N4BP2: variants seen among roughly 807,000 people sequenced by gnomAD.
N4BP2 encodes NEDD4 binding protein 2.
A neutral mutation model predicts 152.8 loss-of-function variants in N4BP2; 91 were observed. The ratio of observed to expected loss-of-function variants is 0.60; its 90% confidence interval spans 0.50 to 0.71. The LOEUF (loss-of-function observed/expected upper bound fraction) is 0.71, where lower values mean the gene tolerates loss of function less well. N4BP2 is among the 30% of genes least tolerant of loss of function. The pLI is 0.00. For missense variants in N4BP2, 1,923 were observed against 2,059.1 expected, an observed-to-expected ratio of 0.93 and a Z score of 1.28; for synonymous variants, 646 against 705.3, an observed-to-expected ratio of 0.92 and a Z score of 1.33.
At chr4:40,082,562 A>T (rs1713491401) in intron 2 of N4BP2, among the ~76,000 whole-genome samples, 1 of 152,128 alleles carries the variant, frequency 6.6e-6, no homozygotes, top group Non-Finnish European at 1.5e-5. Context: ...GATTATGTGG[A>T]AGAGTTAGTT....
In N4BP2 at chr4:40,102,972, A is replaced by G. The variant is rs764783940; in HGVS notation, c.1127A>G (p.Asn376Ser). Residue 376 changes from asparagine (N) to serine (S), a missense_variant, in exon 4 of 18, where the codon AAC becomes AGC. Physicochemically the swap from Asn to Ser is conservative, Grantham distance 46. Transcript: ENST00000261435. ...MIPAFDLFQG[N>S]HGFVAPVVTT... ...CCTGCTTTTGACCTCTTCCAAGGAA[A>G]CCATGGCTTTGTAGCTCCTGTTGTA... The G allele has an allele frequency of 6.2e-7, 1 of 1,614,050 alleles. No homozygotes were observed. Among genetic ancestry groups the G allele is most frequent in the African/African-American group, 1.3e-5 (1 of 74,924 alleles).
At chr4:40,110,789 CAGTA>C (rs1716801357) in intron 5 of N4BP2, among the ~76,000 whole-genome samples, 1 of 152,160 alleles carries the variant, frequency 6.6e-6, no homozygotes, top group African/African-American at 2.4e-5. Context: ...CCGCCCGCCT[CAGTA>C]TCCCAAAGTG....
At chr4:40,142,025 C>T (rs921125924) in intron 14 of N4BP2, among the ~76,000 whole-genome samples, 7 of 151,028 alleles carry the variant, frequency 4.6e-5, no homozygotes, top group South Asian at 2.1e-4. Context: ...TGCAGTGAGC[C>T]GAGATGGCAG....
rs1733206698 is a variant in N4BP2 at position 40,056,866 on chromosome 4, G to C, written c.-376G>C. 1 of 152,156 alleles carries C rather than the reference G, an allele frequency of 6.6e-6. No individual in the cohort carries two copies. Among genetic ancestry groups the C allele is most frequent in the African/African-American group, 2.4e-5 (1 of 41,556 alleles). The allele number at this position is 152,156 out of a possible 1,614,324, so 9.4% of individuals were successfully genotyped here. A position where few individuals can be genotyped will look rare whatever the true frequency, so the allele number is the denominator to read the frequency against. On this transcript the variant is annotated 5_prime_UTR_variant, in exon 1 of 18. Transcript: ENST00000261435. ...GAGAGCGGCAGTGTCTCCCCGCCGG[G>C]CGCGCTCGCCGTGTCTCCCCCGCGG...
At chr4:40,124,739 GA>G (rs1267651117) in intron 11 of N4BP2, among the ~76,000 whole-genome samples, 3 of 152,162 alleles carry the variant, frequency 2.0e-5, no homozygotes, top group Admixed American at 6.5e-5. Context: ...GAACTTTCAT[GA>G]GTGCTGTGGA....
At chr4:40,062,437 A>T (rs1046807791) in intron 1 of N4BP2, among the ~76,000 whole-genome samples, 6 of 152,106 alleles carry the variant, frequency 3.9e-5, no homozygotes, top group Admixed American at 2.6e-4. Context: ...CTAACAGCTC[A>T]TCCCTGCTTT....
At chr4:40,133,889 T>G (rs995922999) in intron 13 of N4BP2, among the ~76,000 whole-genome samples, 5 of 152,182 alleles carry the variant, frequency 3.3e-5, no homozygotes, top group Non-Finnish European at 5.9e-5. Flanking sequence ...CATTGCAGCC[T>G]TGACCTCCTA....
chr4:40,136,846 T>C, intron 13 of N4BP2, 98 bp from the exon 14 acceptor site: 2 of 867,008 alleles, frequency 2.3e-6, no homozygotes, highest in Non-Finnish European at 3.4e-6. Context: ...AGCCAGTTTT[T>C]CATATTCTTG....
At position 40,155,771 on chromosome 4, in the gene N4BP2, A is replaced by G. The variant is rs1375058581; in HGVS notation, c.*1534A>G. 6.6e-6 allele frequency: 1 copy of G among 152,242 alleles called. No homozygotes were observed. Among genetic ancestry groups the G allele is most frequent in the East Asian group, 1.9e-4 (1 of 5,208 alleles). The allele number at this position is 152,242 out of a possible 1,614,324, so 9.4% of individuals were successfully genotyped here. The stretch of plus-strand genomic sequence containing the variant: ...TGGTACCAAAAGAATCCTAAAGTAC[A>G]GAATGGTTTTCCAAAAGAGCAGACA... On this transcript the variant is annotated 3_prime_UTR_variant, in exon 18 of 18. Transcript: ENST00000261435.
the N4BP2 span, among the ~76,000 whole-genome samples, chr4:40,188,744 C>CA: frequency 6.2e-3 from 565 of 90,944 alleles, 16 homozygotes; most frequent in African/African-American, 0.018. Context: ...GACTCCATCT[C>CA]AAAAAAAAAA....
rs373277932 is a variant in N4BP2, at chr4:40,127,754, G to A, written c.4527+1424G>A. 8.5e-5 allele frequency among the ~76,000 whole-genome samples: 13 copies of A among 152,092 alleles called. No homozygotes were observed. The East Asian group carries it at 1.7e-3, about 20-fold the overall frequency. ...TGGCTCGCTGCATGCTCCGTCTCCC[G>A]GGTTCATGCCATTCTCCTGCTTCAG... On this transcript the variant is annotated intron_variant, in intron 12 of 17. Coordinates refer to ENST00000261435, the MANE Select transcript of N4BP2 (RefSeq NM_018177.6).
At chr4:40,182,603 C>A in the N4BP2 span, among the ~76,000 whole-genome samples, 27 of 152,068 alleles carry the variant, frequency 1.8e-4, no homozygotes, top group African/African-American at 6.0e-4. Flanking sequence ...GTGCACGCCA[C>A]CATGCCGGGC....
the N4BP2 span, among the ~76,000 whole-genome samples, chr4:40,181,403 A>G: frequency 6.6e-6 from 1 of 152,180 alleles, no homozygotes. Flanking sequence ...AGATTAACAT[A>G]TCAATTAGGA....
chr4:40,113,386 C>G (rs1717068612), intron 6 of N4BP2, 46 bp from the exon 7 acceptor site: 1 of 1,318,106 alleles, frequency 7.6e-7, no homozygotes, highest in Non-Finnish European at 1.1e-6. Flanking sequence ...ATTTTAATTT[C>G]TTGGAAATAC....
intron 15 of N4BP2, among the ~76,000 whole-genome samples, chr4:40,143,197 G>T (rs968730762): frequency 6.6e-6 from 1 of 152,124 alleles, no homozygotes; most frequent in Non-Finnish European, 1.5e-5. Flanking sequence ...CTTCTGTCAT[G>T]TTTGAATTTT....
At chr4:40,089,392 A>G (rs112826867) in intron 2 of N4BP2, among the ~76,000 whole-genome samples, 1 of 151,224 alleles carries the variant, frequency 6.6e-6, no homozygotes, top group Non-Finnish European at 1.5e-5. Context: ...TCTTTCATCA[A>G]ACAAAAGTTT....
chr4:40,130,510 A>G lies in N4BP2; in HGVS notation c.4528-1291A>G, dbSNP rs138942561. 5.0e-3 allele frequency among the ~76,000 whole-genome samples: 753 copies of G among 152,090 alleles called. 6 individuals are homozygous for G. The highest frequency in any genetic ancestry group is 0.017 in the African/African-American group (723 of 41,470). On this transcript the variant is annotated intron_variant, in intron 12 of 17. Transcript: ENST00000261435. ...TAAATAACAATTCTAGCATTTTCCC[A>G]GATTATTTTGTTTATTTATTTTTGA...
intron 14 of N4BP2, chr4:40,142,380 C>T (rs1025606201): frequency 4.2e-5 from 13 of 310,198 alleles, no homozygotes; most frequent in African/African-American, 6.6e-5. Flanking sequence ...AGACTGAACT[C>T]GCCTCTTCCA....
At chr4:40,128,115 C>T (rs563821857) in intron 12 of N4BP2, among the ~76,000 whole-genome samples, 2 of 152,168 alleles carry the variant, frequency 1.3e-5, no homozygotes, top group East Asian at 1.9e-4. Context: ...CAGTAGATTT[C>T]GTTTGGATTT....
Sources: allele counts gnomAD v4.1 joint callset (sites outside exome capture counted in the v4.1 genomes callset), GRCh38; gene constraint gnomAD v4.1.1; transcripts MANE v1.5; gene names NCBI Gene and HGNC (gene_info 2026-07-23, HGNC 2026-07-21).